RFC1: variants seen among roughly 807,000 people sequenced by gnomAD.
RFC1 encodes the protein replication factor C subunit 1, also known as A1 140 kDa subunit.
Under a neutral mutation model 137.4 loss-of-function variants are expected in RFC1, and 37 were observed. The ratio of observed to expected loss-of-function variants is 0.27; its 90% confidence interval spans 0.21 to 0.35. RFC1 has a LOEUF of 0.35. Ranked by LOEUF, RFC1 falls within the 10% of genes least tolerant of loss-of-function variation. The pLI, the probability that RFC1 is intolerant of heterozygous loss-of-function variation, is 1.00. For synonymous variants in RFC1, 429 were observed against 455.7 expected, an observed-to-expected ratio of 0.94 and a Z score of 0.75; for missense variants, 1,205 against 1,358.5, an observed-to-expected ratio of 0.89 and a Z score of 1.78.
At chr4:39,330,605 A>T (rs1339613133) in intron 4 of RFC1, among the ~76,000 whole-genome samples, 1 of 152,142 alleles carries the variant, frequency 6.6e-6, no homozygotes, top group African/African-American at 2.4e-5. Context: ...GATTTGCTCA[A>T]CCAGTATGTA....
intron 20 of RFC1, 23 bp downstream of exon 20, chr4:39,300,237 T>C: frequency 1.9e-6 from 3 of 1,613,880 alleles, no homozygotes; most frequent in Non-Finnish European, 2.5e-6. Flanking sequence ...TAAGCACACC[T>C]CTCACCAGCT....
chr4:39,340,619 C>T (rs1740565209), intron 4 of RFC1, among the ~76,000 whole-genome samples: 1 of 152,066 alleles, frequency 6.6e-6, no homozygotes, highest in Non-Finnish European at 1.5e-5. Flanking sequence ...AAAAGCTGCA[C>T]TTTTCTTTTT....
chr4:39,360,301 G>A (rs1221236230), intron 1 of RFC1, among the ~76,000 whole-genome samples: 1 of 151,940 alleles, frequency 6.6e-6, no homozygotes, highest in African/African-American at 2.4e-5. Flanking sequence ...AGGAGTTTGA[G>A]AACAGCCTGG....
rs760329608 is a variant in RFC1, at chr4:39,302,286, T to C, written c.2527A>G (p.Ile843Val). The change falls in exon 19 of 25, where the codon ATC becomes GTC. Residue 843 changes from isoleucine (I) to valine (V), a missense_variant. Physicochemically the swap from Ile to Val is conservative, Grantham distance 29. This residue lies in a region of RFC1 where 962 missense variants were observed against 1,035.3 expected (regional missense o/e 0.93). Coordinates refer to ENST00000349703, the MANE Select transcript of RFC1 (RefSeq NM_002913.5). ...ATGGACATTTATTTTACCATTTTGATATCCTTTTTGGCTCTGTGAGAATCA... is the reference window on the plus strand; with the variant it reads ...ATGGACATTTATTTTACCATTTTGACATCCTTTTTGGCTCTGTGAGAATCA... Reference protein sequence around the residue: ...KADSHRAKKDIKMGPFDVARK... With the variant: ...KADSHRAKKDVKMGPFDVARK... The C allele has an allele frequency of 9.4e-6, 15 of 1,603,456 alleles. No homozygotes were observed. In the South Asian group the frequency reaches 1.7e-4, roughly 18 times the overall value.
At chr4:39,322,829 A>AC (rs1287763955) in intron 7 of RFC1, among the ~76,000 whole-genome samples, 1 of 152,038 alleles carries the variant, frequency 6.6e-6, no homozygotes, top group African/African-American at 2.4e-5. Context: ...CACATCTATA[A>AC]TCCTAGCACT....
At chr4:39,307,320 T>C (rs1296085231) in intron 13 of RFC1, 1 of 153,972 alleles carries the variant, frequency 6.5e-6, no homozygotes, top group Non-Finnish European at 1.4e-5. Context: ...ACCTGGCACA[T>C]ACATCATGCT....
chr4:39,345,350 G>A (rs751140502), intron 3 of RFC1, 51 bp downstream of exon 3: 29 of 1,466,878 alleles, frequency 2.0e-5, no homozygotes, highest in Non-Finnish European at 2.5e-5. Flanking sequence ...ACTGTTCTAA[G>A]GGATATACAA....
intron 7 of RFC1, 58 bp downstream of exon 7, chr4:39,323,282 G>T: frequency 1.5e-6 from 2 of 1,333,050 alleles, no homozygotes; most frequent in Non-Finnish European, 2.1e-6. Context: ...GAACACGCAA[G>T]TATGAACACT....
At chr4:39,295,831 C>A in intron 21 of RFC1, 72 bp from the exon 22 acceptor site, 1 of 1,426,516 alleles carries the variant, frequency 7.0e-7, no homozygotes, top group Non-Finnish European at 9.7e-7. Context: ...TCATTGGCTT[C>A]CAAACAGTCT....
chr4:39,320,920 A>T lies in RFC1; in HGVS notation c.809-251T>A, dbSNP rs951835698. Among the ~76,000 whole-genome samples, 7 of 152,222 alleles carry T rather than the reference A, an allele frequency of 4.6e-5. No individual in the cohort carries two copies. In the South Asian group the frequency reaches 1.5e-3, roughly 32 times the overall value. ...ATAAAACCTACAGGCAATAAGCAAG[A>T]GAGCTGAAGATGACCTGGCCAACTA... is the stretch of plus-strand genomic sequence containing the variant. On this transcript the variant is annotated intron_variant, in intron 8 of 24. Coordinates refer to ENST00000349703, the MANE Select transcript of RFC1 (RefSeq NM_002913.5).
intron 4 of RFC1, 115 bp downstream of exon 4, chr4:39,342,230 A>C: frequency 8.1e-7 from 1 of 1,240,532 alleles, no homozygotes; most frequent in East Asian, 2.7e-5. Flanking sequence ...ATAACTCAAC[A>C]AAGCAAAAAG....
In RFC1 at chr4:39,288,750, G is replaced by T. The variant is rs761698272; in HGVS notation, c.*11C>A. On this transcript the variant is annotated 3_prime_UTR_variant, in exon 25 of 25. Transcript: ENST00000349703. ...AGAGTAAAAAGTGGCTGTCGCTAGT[G>T]AAAAATGGTTTCATTTCTTCGAACT... 5.7e-6 allele frequency: 9 copies of T among 1,589,966 alleles called. No individual in the cohort carries two copies. The highest frequency in any genetic ancestry group is 1.7e-5 in the Admixed American group (1 of 59,604).
chr4:39,291,708 G>A lies in RFC1; in HGVS notation c.3099C>T (p.Asp1033=), dbSNP rs1440181723. The A allele has an allele frequency of 2.5e-6, 4 of 1,614,068 alleles. No homozygotes were observed. Among genetic ancestry groups the A allele is most frequent in the Non-Finnish European group, 2.5e-6 (3 of 1,179,968 alleles). Residue 1033 remains aspartate (D), a synonymous_variant, in exon 23 of 25, where the codon GAC becomes GAT. Coordinates refer to ENST00000349703, the MANE Select transcript of RFC1 (RefSeq NM_002913.5). Reference sequence around the variant, plus strand: ...TGCTGATTTCCATGATATTCTCAAAGTCTTCTTTCATCAAATAATATGTGT... The same window carrying A: ...TGCTGATTTCCATGATATTCTCAAAATCTTCTTTCATCAAATAATATGTGT... The part of the protein sequence containing the change: ...LMDTYYLMKE[D]FENIMEISSW...
chr4:39,289,781 T>A lies in RFC1; in HGVS notation c.3360+67A>T, dbSNP rs1737568070. ...ATTCTGCTATGTGCTGAAAAGGCCC[T>A]ATTATTCACCAGGCAAGGAAAGATC... is the stretch of plus-strand genomic sequence containing the variant. On this transcript the variant is annotated intron_variant, in intron 24 of 24. Transcript: ENST00000349703. 21 of 1,084,624 alleles carry A rather than the reference T, an allele frequency of 1.9e-5. No homozygotes were observed. The South Asian group carries it at 2.7e-4, about 14-fold the overall frequency. The allele number at this position is 1,084,624 out of a possible 1,614,324, so 67.2% of individuals were successfully genotyped here.
chr4:39,330,366 CTAAATG>C (rs1292864507), intron 4 of RFC1, among the ~76,000 whole-genome samples: 2 of 152,120 alleles, frequency 1.3e-5, no homozygotes, highest in Non-Finnish European at 2.9e-5. Flanking sequence ...TTTCTGATTA[CTAAATG>C]TAAAAAGTAA....
intron 22 of RFC1, among the ~76,000 whole-genome samples, chr4:39,292,880 G>A (rs1737765173): frequency 6.6e-6 from 1 of 151,862 alleles, no homozygotes; most frequent in Non-Finnish European, 1.5e-5. Context: ...ACTCCTAACA[G>A]GTGATCCACC....
chr4:39,342,814 T>C (rs1740670528), intron 3 of RFC1, among the ~76,000 whole-genome samples: 1 of 152,228 alleles, frequency 6.6e-6, no homozygotes, highest in Admixed American at 6.5e-5. Context: ...GAATTTTATT[T>C]GCCTTTTCCA....
chr4:39,346,351 C>T (rs957229248), intron 2 of RFC1, among the ~76,000 whole-genome samples: 2 of 152,114 alleles, frequency 1.3e-5, no homozygotes, highest in Non-Finnish European at 2.9e-5. Flanking sequence ...TGGTACATGC[C>T]TGTAATCCCA....
intron 4 of RFC1, 145 bp downstream of exon 4, chr4:39,342,200 C>A: frequency 2.1e-6 from 2 of 953,640 alleles, no homozygotes; most frequent in Non-Finnish European, 2.9e-6. Flanking sequence ...AAAAGATGAT[C>A]CCAGCCTTCC....
Sources: allele counts gnomAD v4.1 joint callset (sites outside exome capture counted in the v4.1 genomes callset), GRCh38; gene constraint gnomAD v4.1.1; regional missense constraint gnomAD v4.1.1; transcripts MANE v1.5; gene names NCBI Gene and HGNC (gene_info 2026-07-23, HGNC 2026-07-21).